The following HIF1AN variants were observed in gnomAD, a reference collection of about 807,000 sequenced individuals.
HIF1AN encodes hypoxia-inducible factor 1-alpha inhibitor.
A neutral mutation model predicts 47.7 loss-of-function variants in HIF1AN; 21 were observed. The ratio of observed to expected loss-of-function variants is 0.44; its 90% CI spans 0.31 to 0.63. The LOEUF is 0.63. Among genes scored for constraint, HIF1AN ranks in the 30% least tolerant of loss-of-function variants. HIF1AN has a pLI of 0.07. For missense variants in HIF1AN, 320 were observed against 432.7 expected (o/e 0.74, Z 2.31); for synonymous variants, 152 against 155.9 (o/e 0.98, Z 0.18).
chr10:100,554,202 C>CT lies in HIF1AN; in HGVS notation c.*6066dup, dbSNP rs1460620592. The CT allele has an allele frequency of 6.6e-6, 1 of 152,184 alleles. No homozygotes were observed. The highest frequency in any genetic ancestry group is 2.4e-5 in the African/African-American group (1 of 41,434). 9.4% of individuals were successfully genotyped at this position (152,184 alleles called of 1,614,324 possible). A position where few individuals can be genotyped will look rare whatever the true frequency, so the allele number is the denominator to read the frequency against. ...GTTTCAGGTCTGAGCTCCCCTTGCA[C>CT]TGTGTGAGAGGCCGTGGAGCCGAAT... On this transcript the variant is annotated 3_prime_UTR_variant, in exon 8 of 8. Coordinates refer to ENST00000299163, the MANE Select transcript of HIF1AN (RefSeq NM_017902.3).
chr10:100,548,073 C>G lies in HIF1AN; in HGVS notation c.1006-20C>G. 6.2e-7 allele frequency: 1 copy of G among 1,613,478 alleles called. No homozygotes were observed. Among genetic ancestry groups the G allele is most frequent in the Non-Finnish European group, 8.5e-7 (1 of 1,179,490 alleles). On this transcript the variant is annotated intron_variant, in intron 7 of 7. Coordinates refer to ENST00000299163, the MANE Select transcript of HIF1AN (RefSeq NM_017902.3). Reference sequence around the variant, plus strand: ...CCAGGGAACAGCCAGTTCTGATTGGCTCCTCATGTTTCTTTACAGGTGGGG... The same window carrying G: ...CCAGGGAACAGCCAGTTCTGATTGGGTCCTCATGTTTCTTTACAGGTGGGG...
At position 100,536,105 on chromosome 10, in the gene HIF1AN, C is replaced by T. The variant is rs915401255; in HGVS notation, c.147C>T (p.Asp49=). The change falls in exon 1 of 8, where the codon GAC becomes GAT. Residue 49 remains aspartate, a synonymous_variant. Transcript: ENST00000299163. ...CCATTCCGCGTCTGAGTCAGAGCGA[C>T]CCCCGGGCAGAGGAGCTTATTGAGA... is the stretch of plus-strand genomic sequence containing the variant. The part of the protein sequence containing the change: ...TRPIPRLSQS[D]PRAEELIENE... 2.5e-6 allele frequency: 4 copies of T among 1,606,474 alleles called. No individual in the cohort carries two copies. Among genetic ancestry groups the T allele is most frequent in the East Asian group, 2.2e-5 (1 of 44,770 alleles).
At chr10:100,544,370 A>T (rs940567551) in intron 3 of HIF1AN, among the ~76,000 whole-genome samples, 2 of 152,202 alleles carry the variant, frequency 1.3e-5, no homozygotes, top group African/African-American at 4.8e-5. Flanking sequence ...TGAGCCCAGA[A>T]GTTGGAGACC....
intron 5 of HIF1AN, 59 bp from the exon 6 acceptor site, chr10:100,546,459 C>G: frequency 1.2e-6 from 1 of 820,168 alleles, no homozygotes; most frequent in Non-Finnish European, 1.9e-6. Context: ...CCGCACTTCG[C>G]CCCTCCGCCC....
rs1311456710 is a variant in HIF1AN at position 100,558,861 on chromosome 10, A to G, written c.*10724A>G. On this transcript the variant is annotated 3_prime_UTR_variant, in exon 8 of 8. Transcript: ENST00000299163. ...TTTAATGATGGAGGACTTAGGATGA[A>G]GAACAGGTGTGTTTAAAAACATCAA... is the stretch of plus-strand genomic sequence containing the variant. 1.3e-5 allele frequency: 2 copies of G among 152,252 alleles called. No individual in the cohort carries two copies. The highest frequency in any genetic ancestry group is 4.8e-5 in the African/African-American group (2 of 41,468). The allele number at this position is 152,252 out of a possible 1,614,324, so 9.4% of individuals were successfully genotyped here.
At chr10:100,541,535 C>T (rs970370164) in intron 3 of HIF1AN, among the ~76,000 whole-genome samples, 3 of 151,992 alleles carry the variant, frequency 2.0e-5, no homozygotes, top group Non-Finnish European at 2.9e-5. Context: ...GAGTCTCACT[C>T]TGTTGCCTAG....
At chr10:100,544,495 A>T (rs1418149020) in intron 3 of HIF1AN, among the ~76,000 whole-genome samples, 5 of 152,262 alleles carry the variant, frequency 3.3e-5, no homozygotes, top group African/African-American at 7.2e-5. Flanking sequence ...AGCTACCCAA[A>T]ATAAATACAG....
At position 100,548,123 on chromosome 10, in the gene HIF1AN, G is replaced by A; in HGVS notation, c.1036G>A (p.Gly346Ser). The A allele has an allele frequency of 6.2e-7, 1 of 1,612,046 alleles. No homozygotes were observed. Among genetic ancestry groups the A allele is most frequent in the Non-Finnish European group, 8.5e-7 (1 of 1,178,938 alleles). The change falls in exon 8 of 8, where the codon GGC becomes AGC. Residue 346 changes from glycine (G) to serine (S), a missense_variant. By Grantham distance (56) the Gly-to-Ser change is moderately conservative. Coordinates refer to ENST00000299163, the MANE Select transcript of HIF1AN (RefSeq NM_017902.3). ...VGPLLNTMIK[G>S]RYN is the part of the protein sequence containing the mutation. ...GCCCTTGTTGAACACAATGATCAAG[G>A]GCCGATACAACTAGCCTGCCAGGGG...
chr10:100,536,232 T>C (rs536447672), intron 1 of HIF1AN, 97 bp downstream of exon 1: 3 of 1,344,704 alleles, frequency 2.2e-6, no homozygotes, highest in Admixed American at 4.3e-5. Flanking sequence ...GGCAGGGCTC[T>C]AGACTAGGGC....
rs755036931 is a variant in HIF1AN, at chr10:100,536,568, A to G, written c.335A>G (p.Gln112Arg). 1.9e-6 allele frequency: 3 copies of G among 1,614,238 alleles called. No homozygotes were observed. Among genetic ancestry groups the G allele is most frequent in the South Asian group, 1.1e-5 (1 of 91,088 alleles). ...YYDEKKMANFQNFKPRSNREE... is the reference protein window; with the variant it reads ...YYDEKKMANFRNFKPRSNREE... ...GATGAGAAGAAGATGGCCAATTTCC[A>G]GAACTTTAAGCCGAGGTCCAACAGG... Residue 112 changes from glutamine to arginine, a missense_variant, in exon 2 of 8, where the codon CAG becomes CGG. Around this residue, in one of 2 missense-constraint regions of HIF1AN, gnomAD observed 159 missense variants for 159.9 expected, o/e 0.99. Transcript: ENST00000299163.
chr10:100,559,642 C>T lies in HIF1AN; in HGVS notation c.*11505C>T, dbSNP rs1410961295. 1 of 152,184 alleles carries T rather than the reference C, an allele frequency of 6.6e-6. No individual in the cohort carries two copies. Among genetic ancestry groups the T allele is most frequent in the African/African-American group, 2.4e-5 (1 of 41,424 alleles). The allele number at this position is 152,184 out of a possible 1,614,324, so 9.4% of individuals were successfully genotyped here. On this transcript the variant is annotated 3_prime_UTR_variant, in exon 8 of 8. Coordinates refer to ENST00000299163, the MANE Select transcript of HIF1AN (RefSeq NM_017902.3). ...CTTCATTGCCCAGGCGGATCTCGAA[C>T]ACCTGGGCTCAAGCAGTCCTGCCTC...
In HIF1AN at chr10:100,556,052, G is replaced by C. The variant is rs1843212403; in HGVS notation, c.*7915G>C. 6.6e-6 allele frequency: 1 copy of C among 152,176 alleles called. No homozygotes were observed. The highest frequency in any genetic ancestry group is 2.4e-5 in the African/African-American group (1 of 41,446). 9.4% of individuals were successfully genotyped at this position (152,176 alleles called of 1,614,324 possible). ...GCAGAATGACCGGTCCATAGCAAGG[G>C]CTCAGTCTTTCTGTGTCTCTCAGTC... On this transcript the variant is annotated 3_prime_UTR_variant, in exon 8 of 8. Coordinates refer to ENST00000299163, the MANE Select transcript of HIF1AN (RefSeq NM_017902.3).
At chr10:100,546,448 C>G in intron 5 of HIF1AN, 70 bp from the exon 6 acceptor site, 6 of 869,898 alleles carry the variant, frequency 6.9e-6, no homozygotes, top group East Asian at 5.0e-5. Flanking sequence ...CTGCCACCCC[C>G]CCGCACTTCG....
At position 100,545,012 on chromosome 10, in the gene HIF1AN, C is replaced by T. The variant is rs1843080268; in HGVS notation, c.639C>T (p.Tyr213=). 6.2e-7 allele frequency: 1 copy of T among 1,614,218 alleles called. No individual in the cohort carries two copies. The highest frequency in any genetic ancestry group is 8.5e-7 in the Non-Finnish European group (1 of 1,180,020). The change falls in exon 4 of 8, where the codon TAC becomes TAT. Residue 213 remains tyrosine (Y), a synonymous_variant. Transcript: ENST00000299163. ...QQNFFAQIKG[Y]KRCILFPPDQ... ...ACTTTTTTGCTCAGATAAAAGGTTA[C>T]AAACGATGCATCTTATTCCCTCCGG...
Position 100,552,513 on chromosome 10 carries a change from T to G in HIF1AN, c.*4376T>G, listed in dbSNP as rs1843173002. On this transcript the variant is annotated 3_prime_UTR_variant, in exon 8 of 8. Coordinates refer to ENST00000299163, the MANE Select transcript of HIF1AN (RefSeq NM_017902.3). ...CTCCCCTTTGAGACCTTCAGCTGCT[T>G]GTCTTCCACTGCCTGCATACTTCTC... 6.6e-6 allele frequency: 1 copy of G among 152,544 alleles called. No individual in the cohort carries two copies. Among genetic ancestry groups the G allele is most frequent in the Non-Finnish European group, 1.5e-5 (1 of 68,296 alleles). 9.4% of individuals were successfully genotyped at this position (152,544 alleles called of 1,614,324 possible). A position where few individuals can be genotyped will look rare whatever the true frequency, so the allele number is the denominator to read the frequency against.
rs1315983246 is a variant in HIF1AN at position 100,554,455 on chromosome 10, A to G, written c.*6318A>G. On this transcript the variant is annotated 3_prime_UTR_variant, in exon 8 of 8. Coordinates refer to ENST00000299163, the MANE Select transcript of HIF1AN (RefSeq NM_017902.3). The stretch of plus-strand genomic sequence containing the variant: ...AGTTCGAACCAACCTTGGGCAGCAT[A>G]GTGAGACCCCTTCTCTTAATAATTT... 1 of 151,416 alleles carries G rather than the reference A, an allele frequency of 6.6e-6. No homozygotes were observed. Among genetic ancestry groups the G allele is most frequent in the Non-Finnish European group, 1.5e-5 (1 of 67,926 alleles). 9.4% of individuals were successfully genotyped at this position (151,416 alleles called of 1,614,324 possible).
intron 1 of HIF1AN, 116 bp downstream of exon 1, chr10:100,536,251 A>G (rs1852219423): frequency 1.5e-6 from 2 of 1,292,326 alleles, no homozygotes; most frequent in South Asian, 1.4e-5. Flanking sequence ...GCCTATGGGA[A>G]GATGGAGAGA....
chr10:100,539,606 GC>G, intron 2 of HIF1AN, among the ~76,000 whole-genome samples: 1 of 152,206 alleles, frequency 6.6e-6, no homozygotes, highest in Non-Finnish European at 1.5e-5. Context: ...CACCCAGATT[GC>G]CCCAGCAGCT....
chr10:100,544,069 G>A (rs917698696), intron 3 of HIF1AN, among the ~76,000 whole-genome samples: 6 of 152,216 alleles, frequency 3.9e-5, no homozygotes, highest in African/African-American at 1.4e-4. Flanking sequence ...CTGCAAAAGT[G>A]TGTGTTCAAC....
Sources: allele counts gnomAD v4.1 joint callset (sites outside exome capture counted in the v4.1 genomes callset), GRCh38; gene constraint gnomAD v4.1.1; regional missense constraint gnomAD v4.1.1; transcripts MANE v1.5; gene names NCBI Gene and HGNC (gene_info 2026-07-23, HGNC 2026-07-21).